The following TECRL variants were observed in gnomAD, a reference collection of about 807,000 sequenced individuals.
TECRL encodes the protein trans-2,3-enoyl-CoA reductase-like.
A neutral mutation model predicts 52.8 loss-of-function variants in TECRL; 63 were observed. The ratio of observed to expected loss-of-function variants is 1.19; its 90% confidence interval spans 0.97 to 1.47. The LOEUF (loss-of-function observed/expected upper bound fraction) is 1.47, where lower values mean the gene tolerates loss of function less well. Ranked by LOEUF, TECRL falls within the 40% of genes most tolerant of loss-of-function variation. The probability of loss-of-function intolerance (pLI) is 0.00; values close to 1 mark genes in which losing one functional copy is unlikely to be tolerated. For missense variants in TECRL, 482 were observed against 429.6 expected (o/e 1.12, Z -1.08); for synonymous variants, 164 against 141.9 (o/e 1.16, Z -1.10).
chr4:64,326,259 T>C (rs1718255652), intron 3 of TECRL, among the ~76,000 whole-genome samples: 1 of 152,128 alleles, frequency 6.6e-6, no homozygotes, highest in Non-Finnish European at 1.5e-5. Context: ...ATCCAATCAT[T>C]TTAAACATTA....
intron 11 of TECRL, 108 bp from the exon 12 acceptor site, chr4:64,280,307 G>T: frequency 1.1e-6 from 1 of 917,374 alleles, no homozygotes. Flanking sequence ...CTCAAATGTT[G>T]CATAATTTCT....
chr4:64,322,679 T>A lies in TECRL; in HGVS notation c.435+10A>T, dbSNP rs747155094. On this transcript the variant is annotated intron_variant, in intron 4 of 11. Transcript: ENST00000381210. The stretch of plus-strand genomic sequence containing the variant: ...GAGAAATGTATATTACATTTCAAAT[T>A]AACACTTACTGTGGTCCAACTGACT... 3.2e-6 allele frequency: 5 copies of A among 1,562,432 alleles called. No homozygotes were observed. The highest frequency in any genetic ancestry group is 1.9e-5 in the Admixed American group (1 of 52,920).
At chr4:64,360,726 A>G (rs1286606854) in intron 2 of TECRL, among the ~76,000 whole-genome samples, 1 of 152,102 alleles carries the variant, frequency 6.6e-6, no homozygotes, top group Non-Finnish European at 1.5e-5. Context: ...ATTGGGACTC[A>G]TTCCTGGCCC....
rs1261654579 is a variant in TECRL at position 64,314,589 on chromosome 4, T to TGG, written c.551+57_551+58dup. ...TAGTTCATCCCCTCCTTAACGTGTA[T>TGG]GGTGTGTGTGTGTGTGTGTGTGTGT... On this transcript the variant is annotated intron_variant, in intron 5 of 11. Transcript: ENST00000381210. The TGG allele has an allele frequency of 9.1e-5, 91 of 1,003,494 alleles. 4 individuals are homozygous for TGG. The highest frequency in any genetic ancestry group is 2.6e-4 in the East Asian group (10 of 38,358). The allele number at this position is 1,003,494 out of a possible 1,614,324, so 62.2% of individuals were successfully genotyped here.
In TECRL at chr4:64,409,180, T is replaced by A; in HGVS notation, c.172A>T (p.Thr58Ser). The change falls in exon 1 of 12, where the codon ACT (threonine) becomes TCT (serine). Residue 58 changes from threonine (T) to serine (S), a missense_variant. Coordinates refer to ENST00000381210, the MANE Select transcript of TECRL (RefSeq NM_001010874.5). ...PTPAVKHSKT[T>S]HFEIEIFDAQ... ...TCAAATATTTCAATCTCAAAGTGAG[T>A]CGTTTTTGAATGTTTGACTGCTGGA... 6.2e-7 allele frequency: 1 copy of A among 1,613,694 alleles called. No individual in the cohort carries two copies. The highest frequency in any genetic ancestry group is 8.5e-7 in the Non-Finnish European group (1 of 1,179,830).
intron 5 of TECRL, among the ~76,000 whole-genome samples, chr4:64,310,459 T>A (rs936063014): frequency 6.6e-6 from 1 of 152,194 alleles, no homozygotes; most frequent in African/African-American, 2.4e-5. Context: ...TGTTTGTTTT[T>A]TCCTATCTAA....
intron 1 of TECRL, among the ~76,000 whole-genome samples, chr4:64,399,758 T>G (rs963420615): frequency 1.3e-5 from 2 of 152,264 alleles, no homozygotes; most frequent in South Asian, 4.1e-4. Context: ...AAGTTGAGGC[T>G]TGGGAACCAT....
chr4:64,356,647 G>T (rs976755533), intron 2 of TECRL, among the ~76,000 whole-genome samples: 1 of 152,062 alleles, frequency 6.6e-6, no homozygotes, highest in African/African-American at 2.4e-5. Context: ...TTATCACCCT[G>T]CTCTCCTACC....
chr4:64,314,712 A>G lies in TECRL; in HGVS notation c.487T>C (p.Leu163=). 1 of 1,613,492 alleles carries G rather than the reference A, an allele frequency of 6.2e-7. No homozygotes were observed. The highest frequency in any genetic ancestry group is 1.1e-5 in the South Asian group (1 of 91,056). Residue 163 remains leucine, a synonymous_variant, in exon 5 of 12, where the codon TTG becomes CTG. Coordinates refer to ENST00000381210, the MANE Select transcript of TECRL (RefSeq NM_001010874.5). ...GPLLIYLLFY[L]RIPCIYDGKE... is the part of the protein sequence containing the mutation. ...CCATCATATATACATGGGATCCTCA[A>G]ATAAAAGAGGAGGTATATTAGCAGA...
intron 2 of TECRL, among the ~76,000 whole-genome samples, chr4:64,345,823 T>G (rs1403639245): frequency 1.4e-5 from 2 of 141,994 alleles, no homozygotes; most frequent in African/African-American, 5.1e-5. Context: ...TGGTTGCAGG[T>G]AATCTTTTCC....
At chr4:64,348,058 C>T (rs1222684090) in intron 2 of TECRL, among the ~76,000 whole-genome samples, 1 of 152,092 alleles carries the variant, frequency 6.6e-6, no homozygotes, top group African/African-American at 2.4e-5. Flanking sequence ...ATGTTTATAG[C>T]AGTGCCCCAC....
chr4:64,299,080 C>T (rs1330051013), intron 8 of TECRL: 1 of 151,006 alleles, frequency 6.6e-6, no homozygotes, highest in South Asian at 2.1e-4. Flanking sequence ...TGAGTTCTTG[C>T]TAGGCCAAAC....
At position 64,327,785 on chromosome 4, in the gene TECRL, C is replaced by A. The variant is rs535231249; in HGVS notation, c.331+727G>T. Among the ~76,000 whole-genome samples the A allele has an allele frequency of 4.6e-5, 7 of 151,744 alleles. No individual in the cohort carries two copies. In the East Asian group the frequency reaches 1.4e-3, roughly 29 times the overall value. The stretch of plus-strand genomic sequence containing the variant: ...GCATGTAATACCTAAGAGAGGGCAA[C>A]CTAAATATTAGGAAAAGCAATAGAA... On this transcript the variant is annotated intron_variant, in intron 3 of 11. Coordinates refer to ENST00000381210, the MANE Select transcript of TECRL (RefSeq NM_001010874.5).
At chr4:64,330,712 C>T (rs1471823296) in intron 2 of TECRL, among the ~76,000 whole-genome samples, 2 of 151,964 alleles carry the variant, frequency 1.3e-5, no homozygotes, top group African/African-American at 4.8e-5. Context: ...TCACTGAATT[C>T]ATATTAGACT....
chr4:64,332,624 T>A (rs956338928), intron 2 of TECRL, among the ~76,000 whole-genome samples: 1 of 152,036 alleles, frequency 6.6e-6, no homozygotes, highest in Non-Finnish European at 1.5e-5. Context: ...ATAACTATGA[T>A]TGATATAAAC....
intron 1 of TECRL, among the ~76,000 whole-genome samples, chr4:64,393,435 T>A (rs1334816385): frequency 1.3e-5 from 2 of 152,042 alleles, no homozygotes; most frequent in Non-Finnish European, 2.9e-5. Context: ...TCCATCAGAA[T>A]CTTGCAATCA....
intron 3 of TECRL, among the ~76,000 whole-genome samples, chr4:64,327,474 T>C (rs1718340063): frequency 1.3e-5 from 2 of 152,110 alleles, no homozygotes; most frequent in Non-Finnish European, 2.9e-5. Flanking sequence ...TCAACATCCA[T>C]GTATTGAAAG....
chr4:64,404,220 C>CAAAAAAAAA (rs74418503), intron 1 of TECRL, among the ~76,000 whole-genome samples: 2 of 115,900 alleles, frequency 1.7e-5, no homozygotes, highest in East Asian at 2.5e-4. Flanking sequence ...AGAGTTTTAC[C>CAAAAAAAAA]AAAAAAAAAA....
chr4:64,293,945 T>G (rs1723532978), intron 8 of TECRL, among the ~76,000 whole-genome samples: 1 of 150,216 alleles, frequency 6.7e-6, no homozygotes, highest in African/African-American at 2.4e-5. Flanking sequence ...TTAATATCAT[T>G]ATTAATTTTT....
Sources: allele counts gnomAD v4.1 joint callset (sites outside exome capture counted in the v4.1 genomes callset), GRCh38; gene constraint gnomAD v4.1.1; transcripts MANE v1.5; gene names NCBI Gene and HGNC (gene_info 2026-07-23, HGNC 2026-07-21).